SGCD: variants seen among roughly 807,000 people sequenced by gnomAD.
SGCD encodes the protein delta-sarcoglycan.
In SGCD, 18 loss-of-function variants were observed where a neutral mutation model predicts 36.6. That is an observed-to-expected ratio of 0.49 (90% confidence interval 0.34 to 0.73). SGCD has a LOEUF of 0.73. Ranked by LOEUF, SGCD falls within the 30% of genes least tolerant of loss-of-function variation. The pLI, the probability that SGCD is intolerant of heterozygous loss-of-function variation, is 0.01. For synonymous variants in SGCD, 133 were observed against 130.6 expected (o/e 1.02, Z -0.12); for missense variants, 387 against 346.7 (o/e 1.12, Z -0.92).
At chr5:156,188,348 A>G (rs1434608508) in intron 3 of SGCD, among the ~76,000 whole-genome samples, 1 of 152,194 alleles carries the variant, frequency 6.6e-6, no homozygotes, top group African/African-American at 2.4e-5. Context: ...ACATTAGTTA[A>G]AAGGTGATAA....
intron 7 of SGCD, among the ~76,000 whole-genome samples, chr5:156,749,061 G>C (rs1364545049): frequency 6.6e-6 from 1 of 151,918 alleles, no homozygotes; most frequent in Non-Finnish European, 1.5e-5. Flanking sequence ...CATTGAGCCC[G>C]GGCTCAATTT....
chr5:155,854,745 A>G, the SGCD span, among the ~76,000 whole-genome samples: 2 of 152,216 alleles, frequency 1.3e-5, no homozygotes, highest in African/African-American at 2.4e-5. Flanking sequence ...ATTACATGTC[A>G]TACAAATCTC....
At chr5:155,805,019 C>T in the SGCD span, among the ~76,000 whole-genome samples, 1 of 152,034 alleles carries the variant, frequency 6.6e-6, no homozygotes, top group Non-Finnish European at 1.5e-5. Context: ...GTGGCTAATG[C>T]AATTGAAGGA....
At chr5:156,630,073 G>C (rs1351435365) in intron 6 of SGCD, among the ~76,000 whole-genome samples, 2 of 151,896 alleles carry the variant, frequency 1.3e-5, no homozygotes, top group Admixed American at 1.3e-4. Flanking sequence ...ATGTTGGCCA[G>C]GATGGTCTCA....
the SGCD span, among the ~76,000 whole-genome samples, chr5:155,789,623 G>T: frequency 2.0e-5 from 3 of 152,034 alleles, no homozygotes; most frequent in African/African-American, 7.2e-5. Flanking sequence ...AAGATAGTTT[G>T]TTTTCTGAAA....
chr5:156,039,380 CA>C (rs777939073), intron 1 of SGCD, among the ~76,000 whole-genome samples: 3 of 144,954 alleles, frequency 2.1e-5, no homozygotes, highest in Non-Finnish European at 4.4e-5. Flanking sequence ...GACCCCTCAG[CA>C]TCCTGAATCA....
intron 1 of SGCD, among the ~76,000 whole-genome samples, chr5:156,087,352 G>C (rs1761122681): frequency 6.6e-6 from 1 of 152,104 alleles, no homozygotes; most frequent in African/African-American, 2.4e-5. Flanking sequence ...AGAATATCTA[G>C]TGCCAGCTGG....
chr5:155,811,407 G>A, the SGCD span, among the ~76,000 whole-genome samples: 1 of 152,128 alleles, frequency 6.6e-6, no homozygotes, highest in Non-Finnish European at 1.5e-5. Context: ...GAAGAGACAT[G>A]TTTCTTAGAG....
In SGCD at chr5:156,557,842, T is replaced by C. The variant is rs114611330; in HGVS notation, c.295-31389T>C. Among the ~76,000 whole-genome samples, 411 of 152,090 alleles carry C rather than the reference T, an allele frequency of 2.7e-3. 2 individuals carry two copies. Among genetic ancestry groups the C allele is most frequent in the Non-Finnish European group, 4.6e-3 (316 of 67,964 alleles). ...GGCCTCAATTACTGCATGTATCTTATATAACTTTAATAACTTAATATCTAA... is the reference window on the plus strand; with the variant it reads ...GGCCTCAATTACTGCATGTATCTTACATAACTTTAATAACTTAATATCTAA... On this transcript the variant is annotated intron_variant, in intron 4 of 8. Transcript: ENST00000337851.
chr5:155,956,443 C>T (rs1238765208), intron 1 of SGCD, among the ~76,000 whole-genome samples: 1 of 152,098 alleles, frequency 6.6e-6, no homozygotes, highest in Non-Finnish European at 1.5e-5. Context: ...CGGATGATGG[C>T]TGCTCATACC....
At chr5:156,087,102 AAAG>A (rs934459617) in intron 1 of SGCD, among the ~76,000 whole-genome samples, 1 of 152,262 alleles carries the variant, frequency 6.6e-6, no homozygotes, top group Non-Finnish European at 1.5e-5. Context: ...GATCCACAGC[AAAG>A]AAGTATGCCT....
chr5:156,697,626 C>T (rs2113721302), intron 7 of SGCD, among the ~76,000 whole-genome samples: 1 of 152,300 alleles, frequency 6.6e-6, no homozygotes, highest in South Asian at 2.1e-4. Flanking sequence ...TCTATCTCTG[C>T]CTGTTTCACA....
intron 1 of SGCD, among the ~76,000 whole-genome samples, chr5:156,081,285 G>T (rs952890196): frequency 6.6e-6 from 1 of 152,142 alleles, no homozygotes; most frequent in African/African-American, 2.4e-5. Flanking sequence ...ACAGCACCAC[G>T]CCATGAGGGA....
At position 156,488,098 on chromosome 5, in the gene SGCD, GTTTTTT is replaced by G. The variant is rs559483068; in HGVS notation, c.193-20482_193-20477del. ...AAAGAACTTCTGAACTTGAAGACAG[GTTTTTT>G]TTTTTTTTTTTTTTTTTTTTAAATA... On this transcript the variant is annotated intron_variant, in intron 3 of 8. Coordinates refer to ENST00000337851, the MANE Select transcript of SGCD (RefSeq NM_000337.6). 6.2e-3 allele frequency among the ~76,000 whole-genome samples: 570 copies of G among 92,536 alleles called. 9 individuals carry two copies. Among genetic ancestry groups the G allele is most frequent in the African/African-American group, 0.019 (544 of 29,268 alleles). The allele number at this position is 92,536 out of a possible 152,430, so 60.7% of individuals were successfully genotyped here.
intron 4 of SGCD, among the ~76,000 whole-genome samples, chr5:156,583,540 T>C (rs1760370188): frequency 1.3e-5 from 2 of 152,208 alleles, no homozygotes; most frequent in African/African-American, 4.8e-5. Flanking sequence ...CATGTACTCC[T>C]CTTTCTAGCA....
At chr5:156,517,736 A>T (rs1757239315) in intron 4 of SGCD, among the ~76,000 whole-genome samples, 1 of 152,176 alleles carries the variant, frequency 6.6e-6, no homozygotes, top group Non-Finnish European at 1.5e-5. Context: ...ATATCTAGCC[A>T]AACTAAACTT....
intron 1 of SGCD, among the ~76,000 whole-genome samples, chr5:156,011,597 G>A (rs1373069232): frequency 6.6e-6 from 1 of 151,996 alleles, no homozygotes; most frequent in Non-Finnish European, 1.5e-5. Context: ...CCACCACTGT[G>A]CCGGCCAATT....
chr5:156,358,228 T>G (rs993139931), intron 3 of SGCD, among the ~76,000 whole-genome samples: 6 of 152,218 alleles, frequency 3.9e-5, no homozygotes, highest in African/African-American at 1.2e-4. Flanking sequence ...ATCAGCTTTG[T>G]GCCATACATA....
At chr5:156,667,683 A>G (rs958100826) in intron 7 of SGCD, among the ~76,000 whole-genome samples, 4 of 152,192 alleles carry the variant, frequency 2.6e-5, no homozygotes, top group African/African-American at 9.7e-5. Context: ...CTAAATGCCT[A>G]TCCGCTTTGT....
Sources: allele counts gnomAD v4.1 joint callset (sites outside exome capture counted in the v4.1 genomes callset), GRCh38; gene constraint gnomAD v4.1.1; transcripts MANE v1.5; gene names NCBI Gene and HGNC (gene_info 2026-07-23, HGNC 2026-07-21).